ZSWIM6: variants seen among roughly 807,000 people sequenced by gnomAD.
ZSWIM6 encodes the protein zinc finger SWIM domain-containing protein 6.
A neutral mutation model predicts 113.2 loss-of-function variants in ZSWIM6; 9 were observed. That is an observed-to-expected ratio of 0.08 (90% CI 0.05 to 0.14). ZSWIM6 has a LOEUF of 0.14. ZSWIM6 is among the 10% of genes least tolerant of loss of function. The pLI is 1.00. For synonymous variants in ZSWIM6, 611 were observed against 606.5 expected (o/e 1.01, Z -0.11); for missense variants, 1,162 against 1,552.2 (o/e 0.75, Z 4.22).
Position 61,332,930 on chromosome 5 carries a change from G to A in ZSWIM6, c.658G>A (p.Asp220Asn). 1 of 1,352,434 alleles carries A rather than the reference G, an allele frequency of 7.4e-7. No individual in the cohort carries two copies. The highest frequency in any genetic ancestry group is 9.6e-7 in the Non-Finnish European group (1 of 1,039,898). 83.8% of individuals were successfully genotyped at this position (1,352,434 alleles called of 1,614,324 possible). ...CGCGCTGTTGGAAAGCGGCTGCGTA[G>A]ACAACGTCCTGCAAGTCGGTGAGTC... ...GIALLESGCV[D>N]NVLQVGFHLS... The change falls in exon 1 of 14, where the codon GAC (aspartate) becomes AAC (asparagine). Residue 220 changes from aspartate to asparagine, a missense_variant. Coordinates refer to ENST00000252744, the MANE Select transcript of ZSWIM6 (RefSeq NM_020928.2).
intron 1 of ZSWIM6, among the ~76,000 whole-genome samples, chr5:61,418,324 A>G (rs1004557231): frequency 6.6e-6 from 1 of 151,332 alleles, no homozygotes; most frequent in African/African-American, 2.4e-5. Flanking sequence ...CTGGAGTGCA[A>G]TGTTGTGATC....
chr5:61,491,704 G>C (rs1030664035), intron 3 of ZSWIM6, among the ~76,000 whole-genome samples: 3 of 151,732 alleles, frequency 2.0e-5, no homozygotes, highest in Non-Finnish European at 4.4e-5. Context: ...TTTCATTGGG[G>C]GTATAGTCAT....
intron 7 of ZSWIM6, among the ~76,000 whole-genome samples, chr5:61,528,551 C>T (rs1209970962): frequency 1.3e-5 from 2 of 150,742 alleles, no homozygotes; most frequent in Non-Finnish European, 2.9e-5. Context: ...ATCTAGGACT[C>T]GACTTAAATT....
intron 8 of ZSWIM6, among the ~76,000 whole-genome samples, chr5:61,530,457 A>G (rs1749399886): frequency 6.6e-6 from 1 of 152,222 alleles, no homozygotes; most frequent in South Asian, 2.1e-4. Context: ...GTGATTCTGT[A>G]TCTACGAATT....
chr5:61,363,167 C>T (rs1036766837), intron 1 of ZSWIM6, among the ~76,000 whole-genome samples: 2 of 152,144 alleles, frequency 1.3e-5, no homozygotes, highest in Admixed American at 1.3e-4. Context: ...GCACTGCCTG[C>T]AAGGAAGGTG....
chr5:61,481,229 C>G (rs139996817), intron 2 of ZSWIM6, among the ~76,000 whole-genome samples: 2 of 152,276 alleles, frequency 1.3e-5, no homozygotes, highest in African/African-American at 4.8e-5. Flanking sequence ...CTGTGAATAG[C>G]TCCATGCACC....
At chr5:61,517,953 A>C (rs1580057220) in intron 4 of ZSWIM6, among the ~76,000 whole-genome samples, 1 of 80,114 alleles carries the variant, frequency 1.2e-5, no homozygotes, top group Non-Finnish European at 2.3e-5. Flanking sequence ...CCCACCCCAC[A>C]ACAGTCCCCA....
chr5:61,530,405 C>G (rs1372313350), intron 8 of ZSWIM6, among the ~76,000 whole-genome samples: 3 of 152,164 alleles, frequency 2.0e-5, no homozygotes, highest in Non-Finnish European at 2.9e-5. Context: ...TAGTTGGCAG[C>G]CTGTTTCGAG....
At chr5:61,371,825 T>C (rs151084342) in intron 1 of ZSWIM6, among the ~76,000 whole-genome samples, 95 of 152,340 alleles carry the variant, frequency 6.2e-4, no homozygotes, top group African/African-American at 2.2e-3. Context: ...TGTGGAAGAA[T>C]CAGAGAAAGT....
At chr5:61,376,624 A>G (rs1241926571) in intron 1 of ZSWIM6, among the ~76,000 whole-genome samples, 1 of 133,680 alleles carries the variant, frequency 7.5e-6, no homozygotes, top group Non-Finnish European at 1.6e-5. Context: ...AGAATGTGTT[A>G]TGTCATTTGA....
intron 1 of ZSWIM6, among the ~76,000 whole-genome samples, chr5:61,373,667 T>C (rs535803278): frequency 6.6e-6 from 1 of 152,328 alleles, no homozygotes; most frequent in South Asian, 2.1e-4. Flanking sequence ...CATAATCTTT[T>C]CTTGCTTAAA....
At chr5:61,384,531 T>C (rs1191985016) in intron 1 of ZSWIM6, among the ~76,000 whole-genome samples, 1 of 152,166 alleles carries the variant, frequency 6.6e-6, no homozygotes, top group East Asian at 1.9e-4. Flanking sequence ...TCTGAATTCA[T>C]GAGATTATGG....
chr5:61,436,523 A>G lies in ZSWIM6; in HGVS notation c.677-36158A>G, dbSNP rs1020241195. On this transcript the variant is annotated intron_variant, in intron 1 of 13. Coordinates refer to ENST00000252744, the MANE Select transcript of ZSWIM6 (RefSeq NM_020928.2). ...ATTTATGGAAGCCCTATTCACTACC[A>G]GCTTTTCTGGTCTGATGATAGGTTC... 2.0e-5 allele frequency among the ~76,000 whole-genome samples: 3 copies of G among 152,142 alleles called. No individual in the cohort carries two copies. The East Asian group carries it at 5.8e-4, about 29-fold the overall frequency.
chr5:61,420,848 G>T (rs1426770894), intron 1 of ZSWIM6, among the ~76,000 whole-genome samples: 2 of 151,728 alleles, frequency 1.3e-5, no homozygotes, highest in African/African-American at 4.8e-5. Flanking sequence ...ATTTTAAAAT[G>T]TAAAATTAAA....
chr5:61,466,604 G>C (rs889612803), intron 1 of ZSWIM6, among the ~76,000 whole-genome samples: 2 of 152,152 alleles, frequency 1.3e-5, no homozygotes, highest in East Asian at 3.9e-4. Flanking sequence ...CATGAAAGCA[G>C]TAGTTTTTAG....
At chr5:61,493,456 C>T (rs1417855337) in intron 3 of ZSWIM6, among the ~76,000 whole-genome samples, 1 of 152,042 alleles carries the variant, frequency 6.6e-6, no homozygotes, top group Non-Finnish European at 1.5e-5. Context: ...AAAGCTGTTC[C>T]TAAAAAAACT....
chr5:61,339,093 C>CT (rs1744472929), intron 1 of ZSWIM6, among the ~76,000 whole-genome samples: 1 of 152,202 alleles, frequency 6.6e-6, no homozygotes, highest in Admixed American at 6.5e-5. Context: ...TCTGCTTACA[C>CT]TCATATTCAC....
chr5:61,442,712 C>T (rs1746866966), intron 1 of ZSWIM6, among the ~76,000 whole-genome samples: 2 of 152,206 alleles, frequency 1.3e-5, no homozygotes, highest in South Asian at 4.1e-4. Context: ...CAACTGTGTC[C>T]TGTTGTGAAG....
chr5:61,401,019 C>T (rs1421530909), intron 1 of ZSWIM6, among the ~76,000 whole-genome samples: 1 of 152,090 alleles, frequency 6.6e-6, no homozygotes, highest in Non-Finnish European at 1.5e-5. Flanking sequence ...TTATCGTCTT[C>T]TGTTTTGAAA....
Sources: allele counts gnomAD v4.1 joint callset (sites outside exome capture counted in the v4.1 genomes callset), GRCh38; gene constraint gnomAD v4.1.1; transcripts MANE v1.5; gene names NCBI Gene and HGNC (gene_info 2026-07-23, HGNC 2026-07-21).